IL6R: variants seen among roughly 807,000 people sequenced by gnomAD.
IL6R encodes the protein interleukin 6 receptor.
In IL6R, 38 loss-of-function variants were observed where a neutral mutation model predicts 48.3. The observed-to-expected ratio is 0.79, with a 90% CI of 0.61 to 1.03. The LOEUF (loss-of-function observed/expected upper bound fraction) is 1.03. Among genes scored for constraint, IL6R ranks in the 50% least tolerant of loss-of-function variants. IL6R has a pLI of 0.00. For missense variants in IL6R, 534 were observed against 618.3 expected (o/e 0.86, Z 1.45); for synonymous variants, 264 against 256.2 (o/e 1.03, Z -0.29).
intron 9 of IL6R, among the ~76,000 whole-genome samples, chr1:154,463,120 A>G (rs1349778108): frequency 1.3e-5 from 2 of 151,872 alleles, no homozygotes; most frequent in African/African-American, 2.4e-5. Flanking sequence ...TGCTTTTATA[A>G]AAAACACTGT....
intron 1 of IL6R, among the ~76,000 whole-genome samples, chr1:154,413,973 C>CA (rs1688187439): frequency 6.6e-6 from 1 of 151,888 alleles, no homozygotes; most frequent in South Asian, 2.1e-4. Context: ...GTATGAGGCT[C>CA]AGACTCAAAA....
At chr1:154,420,638 C>T (rs765523271) in intron 1 of IL6R, among the ~76,000 whole-genome samples, 7 of 147,086 alleles carry the variant, frequency 4.8e-5, no homozygotes, top group South Asian at 2.1e-4. Flanking sequence ...CGGATTCAAG[C>T]GATTCTCATG....
At chr1:154,415,950 A>G (rs1435321355) in intron 1 of IL6R, among the ~76,000 whole-genome samples, 1 of 152,132 alleles carries the variant, frequency 6.6e-6, no homozygotes, top group East Asian at 1.9e-4. Flanking sequence ...GGGCGACAAG[A>G]GTAAGACTCC....
chr1:154,427,277 T>C (rs1689028987), intron 1 of IL6R, among the ~76,000 whole-genome samples: 1 of 152,152 alleles, frequency 6.6e-6, no homozygotes, highest in Non-Finnish European at 1.5e-5. Context: ...CAGCAGTGAA[T>C]GTGTCTCCCG....
In IL6R at chr1:154,466,010, T is replaced by C. The variant is rs1186478275; in HGVS notation, c.*630T>C. ...GTGAATAATACAGTATCTCAGGGCC[T>C]GGTCGTTTTCAACAGAATTATAATT... On this transcript the variant is annotated 3_prime_UTR_variant, in exon 10 of 10. Transcript: ENST00000368485. 1 of 153,194 alleles carries C rather than the reference T, an allele frequency of 6.5e-6. No homozygotes were observed. Among genetic ancestry groups the C allele is most frequent in the East Asian group, 1.9e-4 (1 of 5,204 alleles). The allele number at this position is 153,194 out of a possible 1,614,324, so 9.5% of individuals were successfully genotyped here. A position where few individuals can be genotyped will look rare whatever the true frequency, so the allele number is the denominator to read the frequency against.
chr1:154,415,177 G>A, intron 1 of IL6R: 1 of 717,064 alleles, frequency 1.4e-6, no homozygotes, highest in Non-Finnish European at 2.5e-6. Flanking sequence ...GTCGCCAGGG[G>A]CCCGGAGCTC....
intron 1 of IL6R, among the ~76,000 whole-genome samples, chr1:154,411,195 A>G (rs1687998277): frequency 6.6e-6 from 1 of 152,148 alleles, no homozygotes; most frequent in Non-Finnish European, 1.5e-5. Context: ...AGTAGCTGGC[A>G]TTACGGGTGC....
In IL6R at chr1:154,466,829, C is replaced by G. The variant is rs1421427477; in HGVS notation, c.*1449C>G. The G allele has an allele frequency of 5.9e-6, 1 of 170,028 alleles. No homozygotes were observed. The highest frequency in any genetic ancestry group is 1.5e-4 in the East Asian group (1 of 6,772). The allele number at this position is 170,028 out of a possible 1,614,324, so 10.5% of individuals were successfully genotyped here. A position where few individuals can be genotyped will look rare whatever the true frequency, so the allele number is the denominator to read the frequency against. On this transcript the variant is annotated 3_prime_UTR_variant, in exon 10 of 10. Coordinates refer to ENST00000368485, the MANE Select transcript of IL6R (RefSeq NM_000565.4). The stretch of plus-strand genomic sequence containing the variant: ...CACCACTGCACTCCAGCCTGGGTGA[C>G]AGAGCAAGTGAGACCCTGTCTCAAA...
intron 6 of IL6R, among the ~76,000 whole-genome samples, chr1:154,447,504 T>TACATATATATACACATAC (rs1338905608): frequency 0.012 from 1,054 of 87,328 alleles, 110 homozygotes; most frequent in African/African-American, 0.058. Flanking sequence ...CACACACACA[T>TACATATATATACACATAC]ATATATATAC....
intron 7 of IL6R, among the ~76,000 whole-genome samples, chr1:154,449,186 C>T (rs1690448862): frequency 8.2e-5 from 1 of 12,194 alleles, no homozygotes; most frequent in African/African-American, 3.7e-4. Context: ...TGAGCCACCG[C>T]GCCCGGCCTT....
chr1:154,426,161 G>GACACACACACACACACACAC (rs372688307), intron 1 of IL6R, among the ~76,000 whole-genome samples: 10 of 118,648 alleles, frequency 8.4e-5, no homozygotes, highest in African/African-American at 2.5e-4. Flanking sequence ...CCCTGTATCA[G>GACACACACACACACACACAC]ACACACACAC....
intron 1 of IL6R, among the ~76,000 whole-genome samples, chr1:154,420,501 C>CTTTAT (rs1189168791): frequency 7.2e-5 from 10 of 138,972 alleles, no homozygotes; most frequent in South Asian, 2.1e-4. Context: ...TGGAGATGTA[C>CTTTAT]TTTATTTTAT....
At chr1:154,413,419 A>G (rs1002831675) in intron 1 of IL6R, among the ~76,000 whole-genome samples, 1 of 152,240 alleles carries the variant, frequency 6.6e-6, no homozygotes, top group African/African-American at 2.4e-5. Context: ...TGCAGGATAT[A>G]TTCCCCGAAG....
chr1:154,447,554 C>CATATATACACAT (rs1553309724), intron 6 of IL6R, among the ~76,000 whole-genome samples: 4 of 110,714 alleles, frequency 3.6e-5, no homozygotes, highest in African/African-American at 2.3e-4. Context: ...TATACACATA[C>CATATATACACAT]ACATATATAT....
rs1328155414 is a variant in IL6R at position 154,405,753 on chromosome 1, A to G, written c.85+39A>G. On this transcript the variant is annotated intron_variant, in intron 1 of 9. Transcript: ENST00000368485. This position sits in a 1 kb window ranked among gnomAD's most constrained non-coding sequence, Gnocchi z 5.2. ...GCGCACCTGGAGGGCTGGGGCAGCT[A>G]GCGGCTGGGGGAAACCGCCTTGGTC... 5.8e-6 allele frequency: 8 copies of G among 1,385,386 alleles called. No individual in the cohort carries two copies. In the African/African-American group the frequency reaches 7.6e-5, roughly 13 times the overall value. The allele number at this position is 1,385,386 out of a possible 1,614,324, so 85.8% of individuals were successfully genotyped here.
chr1:154,448,788 C>T (rs1690417501), intron 7 of IL6R, among the ~76,000 whole-genome samples: 1 of 151,366 alleles, frequency 6.6e-6, no homozygotes, highest in South Asian at 2.1e-4. Context: ...CGACTGAGGA[C>T]TGGCCACATC....
At chr1:154,438,547 T>G (rs1468716444) in intron 6 of IL6R, among the ~76,000 whole-genome samples, 1 of 151,800 alleles carries the variant, frequency 6.6e-6, no homozygotes, top group East Asian at 1.9e-4. Flanking sequence ...TTTATTTGAG[T>G]AAGTATGGAT....
chr1:154,450,465 T>C (rs1690525143), intron 8 of IL6R, among the ~76,000 whole-genome samples: 1 of 152,088 alleles, frequency 6.6e-6, no homozygotes, highest in African/African-American at 2.4e-5. Context: ...ACTTTGATAT[T>C]GTTAGCTAAG....
rs745790640 is a variant in IL6R, at chr1:154,430,467, A to G, written c.335-16A>G. 2 of 1,612,002 alleles carry G rather than the reference A, an allele frequency of 1.2e-6. No individual in the cohort carries two copies. The highest frequency in any genetic ancestry group is 1.1e-5 in the South Asian group (1 of 90,980). On this transcript the variant is annotated splice_polypyrimidine_tract_variant and intron_variant, in intron 2 of 9. Transcript: ENST00000368485. ...TCCCCGCCCGCCTGCTGACACCTGCAATGCTTTCCTTTCAGTTCCCCCCGA... is the reference window on the plus strand; with the variant it reads ...TCCCCGCCCGCCTGCTGACACCTGCGATGCTTTCCTTTCAGTTCCCCCCGA...
Sources: allele counts gnomAD v4.1 joint callset (sites outside exome capture counted in the v4.1 genomes callset), GRCh38; gene constraint gnomAD v4.1.1; non-coding constraint Gnocchi (gnomAD v3.1); transcripts MANE v1.5; gene names NCBI Gene and HGNC (gene_info 2026-07-23, HGNC 2026-07-21).